Variants in EYA4 observed in about 807,000 individuals in gnomAD.
The protein encoded by EYA4 is protein phosphatase EYA4.
A neutral mutation model predicts 87.9 loss-of-function variants in EYA4; 31 were observed. The ratio of observed to expected loss-of-function variants is 0.35; its 90% CI spans 0.27 to 0.48. The LOEUF is 0.48. EYA4 is among the 20% of genes least tolerant of loss of function. EYA4 has a pLI of 0.99. For missense variants in EYA4, 678 were observed against 761.4 expected (o/e 0.89, Z 1.29); for synonymous variants, 263 against 270.6 (o/e 0.97, Z 0.28).
chr6:133,242,869 G>A (rs375610344), intron 1 of EYA4, among the ~76,000 whole-genome samples: 170 of 152,232 alleles, frequency 1.1e-3, no homozygotes, highest in African/African-American at 3.7e-3. Flanking sequence ...TTTGCGCCTG[G>A]GGTGAGAGTG....
chr6:133,292,951 G>T (rs748818778), intron 2 of EYA4, among the ~76,000 whole-genome samples: 7 of 152,150 alleles, frequency 4.6e-5, no homozygotes, highest in Non-Finnish European at 8.8e-5. Flanking sequence ...GTATAAAAAA[G>T]AACTTGACAC....
At chr6:133,246,441 T>G (rs1774414068) in intron 1 of EYA4, among the ~76,000 whole-genome samples, 1 of 152,012 alleles carries the variant, frequency 6.6e-6, no homozygotes, top group African/African-American at 2.4e-5. Flanking sequence ...GTGTTAGAAT[T>G]TTTTAGTTTT....
chr6:133,253,765 C>T (rs1775112031), intron 1 of EYA4, among the ~76,000 whole-genome samples: 1 of 152,062 alleles, frequency 6.6e-6, no homozygotes, highest in Admixed American at 6.6e-5. Context: ...CTGTGTAATA[C>T]CATAGCACTT....
chr6:133,322,241 T>C (rs892027915), intron 2 of EYA4, among the ~76,000 whole-genome samples: 1 of 151,292 alleles, frequency 6.6e-6, no homozygotes, highest in African/African-American at 2.5e-5. Flanking sequence ...CAGAAGACAT[T>C]ATTAGTAGTG....
At position 133,529,060 on chromosome 6, in the gene EYA4, C is replaced by T. The variant is rs1227403199; in HGVS notation, c.*255C>T. On this transcript the variant is annotated 3_prime_UTR_variant, in exon 20 of 20. Coordinates refer to ENST00000355286, the MANE Select transcript of EYA4 (RefSeq NM_004100.5). Reference sequence around the variant, plus strand: ...AAAATCTGTGGAGGTTGCTGGTACACACCAAATGAGTCCAAACTGGAATGA... The same window carrying T: ...AAAATCTGTGGAGGTTGCTGGTACATACCAAATGAGTCCAAACTGGAATGA... 1 of 1,259,446 alleles carries T rather than the reference C, an allele frequency of 7.9e-7. No homozygotes were observed. Among genetic ancestry groups the T allele is most frequent in the African/African-American group, 1.5e-5 (1 of 65,120 alleles). 78.0% of individuals were successfully genotyped at this position (1,259,446 alleles called of 1,614,324 possible).
chr6:133,426,136 G>T (rs1790655843), intron 3 of EYA4, among the ~76,000 whole-genome samples: 1 of 143,168 alleles, frequency 7.0e-6, no homozygotes, highest in Admixed American at 6.7e-5. Flanking sequence ...ACTCAGTAAA[G>T]TTAACCACTC....
intron 7 of EYA4, 146 bp downstream of exon 7, chr6:133,461,326 T>G: frequency 1.4e-6 from 1 of 695,122 alleles, no homozygotes. Context: ...ACATGTATCT[T>G]GATGATTCCC....
chr6:133,266,749 G>A (rs1484109608), intron 1 of EYA4, among the ~76,000 whole-genome samples: 2 of 151,878 alleles, frequency 1.3e-5, no homozygotes, highest in East Asian at 1.9e-4. Context: ...AGTCAGTTAT[G>A]TACCTGAAAA....
chr6:133,363,541 C>T (rs1018546907), intron 2 of EYA4: 6 of 147,980 alleles, frequency 4.1e-5, no homozygotes, highest in African/African-American at 1.5e-4. Flanking sequence ...GTGGCGCGAT[C>T]TAGGCTCACT....
chr6:133,504,638 C>T (rs184787719), intron 13 of EYA4, among the ~76,000 whole-genome samples: 1 of 152,240 alleles, frequency 6.6e-6, no homozygotes, highest in East Asian at 1.9e-4. Flanking sequence ...CACAGGATGA[C>T]ATCTCAAATA....
At chr6:133,497,044 AT>A (rs1255308592) in intron 13 of EYA4, among the ~76,000 whole-genome samples, 1 of 151,984 alleles carries the variant, frequency 6.6e-6, no homozygotes, top group East Asian at 1.9e-4. Flanking sequence ...ACTGAGTATC[AT>A]TTTTTTACTG....
At chr6:133,442,711 A>G (rs1225317426) in intron 3 of EYA4, among the ~76,000 whole-genome samples, 2 of 152,122 alleles carry the variant, frequency 1.3e-5, no homozygotes, top group African/African-American at 4.8e-5. Context: ...ATTGTGGTGA[A>G]GTAGGAAAAG....
chr6:133,378,926 G>GTGTGTGT, intron 2 of EYA4, among the ~76,000 whole-genome samples: 1 of 141,826 alleles, frequency 7.1e-6, no homozygotes, highest in African/African-American at 2.7e-5. Flanking sequence ...TTTCTGTCTT[G>GTGTGTGT]GTGTGTGTGT....
At chr6:133,508,941 T>G (rs551015618) in intron 14 of EYA4, among the ~76,000 whole-genome samples, 2 of 152,288 alleles carry the variant, frequency 1.3e-5, no homozygotes, top group African/African-American at 2.4e-5. Context: ...TTCATTTGAC[T>G]CAAACCCTAG....
chr6:133,377,567 T>G (rs1382454243), intron 2 of EYA4, among the ~76,000 whole-genome samples: 3 of 11,236 alleles, frequency 2.7e-4, no homozygotes, highest in East Asian at 4.2e-3. Flanking sequence ...CACATTAGTT[T>G]TTTTTTTTTT....
chr6:133,317,110 A>G (rs1780688164), intron 2 of EYA4, among the ~76,000 whole-genome samples: 1 of 152,208 alleles, frequency 6.6e-6, no homozygotes, highest in South Asian at 2.1e-4. Context: ...CTCACCTTCA[A>G]ACAGCTGCTC....
rs567936305 is a variant in EYA4 at position 133,371,431 on chromosome 6, T to C, written c.34-10961T>C. 8.5e-5 allele frequency among the ~76,000 whole-genome samples: 13 copies of C among 152,312 alleles called. No homozygotes were observed. In the East Asian group the frequency reaches 2.5e-3, roughly 29 times the overall value. Reference sequence around the variant, plus strand: ...CTGCAATTGAATAATGATGTTACACTACCTTATTTTGCGTTTTGTTTGTTT... The same window carrying C: ...CTGCAATTGAATAATGATGTTACACCACCTTATTTTGCGTTTTGTTTGTTT... On this transcript the variant is annotated intron_variant, in intron 2 of 19. Transcript: ENST00000355286.
rs192975966 is a variant in EYA4 at position 133,383,800 on chromosome 6, G to T, written c.83+1359G>T. On this transcript the variant is annotated intron_variant, in intron 3 of 19. Transcript: ENST00000355286. Reference sequence around the variant, plus strand: ...ATCAAAATGGAACTAACTAATTTTAGATTATTGGAGCATTAGGAAATGGAT... The same window carrying T: ...ATCAAAATGGAACTAACTAATTTTATATTATTGGAGCATTAGGAAATGGAT... Among the ~76,000 whole-genome samples, 655 of 152,188 alleles carry T rather than the reference G, an allele frequency of 4.3e-3. 9 individuals are homozygous for T. The highest frequency in any genetic ancestry group is 0.015 in the African/African-American group (625 of 41,516).
intron 19 of EYA4, chr6:133,525,970 G>A (rs1800601907): frequency 1.0e-6 from 1 of 970,568 alleles, no homozygotes; most frequent in Non-Finnish European, 1.2e-6. Flanking sequence ...TTGAAGCCAA[G>A]CAGCTGGCTT....
Sources: gnomAD v4.1 joint callset for allele counts (sites outside exome capture counted in the v4.1 genomes callset) on GRCh38, gnomAD v4.1.1 for gene constraint, MANE v1.5 for transcripts, NCBI Gene and HGNC (gene_info 2026-07-23, HGNC 2026-07-21) for gene names.